The following ARHGAP32 variants were observed in gnomAD, a reference collection of about 807,000 sequenced individuals.
The protein encoded by ARHGAP32 is rho GTPase-activating protein 32.
ARHGAP32 carries 51 observed loss-of-function variants against 186.5 expected under a neutral mutation model. That is an observed-to-expected ratio of 0.27 (90% CI 0.22 to 0.35). The LOEUF is 0.35. Ranked by LOEUF, ARHGAP32 falls within the 10% of genes least tolerant of loss-of-function variation. The pLI is 1.00. For synonymous variants in ARHGAP32, 950 were observed against 964.3 expected, an observed-to-expected ratio of 0.99 and a Z score of 0.27; for missense variants, 2,186 against 2,623.5, an observed-to-expected ratio of 0.83 and a Z score of 3.64.
chr11:129,261,999 G>A (rs1412482947), intron 1 of ARHGAP32, among the ~76,000 whole-genome samples: 1 of 152,092 alleles, frequency 6.6e-6, no homozygotes, highest in East Asian at 1.9e-4. Context: ...ACATGAAGGT[G>A]GAGTTTTATA....
intron 1 of ARHGAP32, among the ~76,000 whole-genome samples, chr11:129,169,436 C>G (rs1274750486): frequency 6.6e-6 from 1 of 151,784 alleles, no homozygotes; most frequent in African/African-American, 2.4e-5. Flanking sequence ...TCAAGACCAT[C>G]CTGCCTAATA....
At chr11:129,013,076 C>G (rs1338444821) in intron 11 of ARHGAP32, among the ~76,000 whole-genome samples, 26 of 152,164 alleles carry the variant, frequency 1.7e-4, no homozygotes, top group Admixed American at 1.7e-3. Flanking sequence ...GGAAACGTGG[C>G]TATCTTTTCC....
At chr11:129,110,458 T>G (rs1942177594) in intron 5 of ARHGAP32, among the ~76,000 whole-genome samples, 3 of 152,192 alleles carry the variant, frequency 2.0e-5, no homozygotes. Context: ...TTAGGATTGT[T>G]TTTTCTATTT....
At position 128,970,221 on chromosome 11, in the gene ARHGAP32, A is replaced by G. The variant is rs373261784; in HGVS notation, c.4992T>C (p.Tyr1664=). Residue 1664 remains tyrosine (Y), a synonymous_variant, in exon 23 of 23, where the codon TAT becomes TAC. Coordinates refer to ENST00000682385, the MANE Select transcript of ARHGAP32 (RefSeq NM_001378024.1). The surrounding 1 kb of genome is among the most constrained non-coding windows in gnomAD (Gnocchi z 5.8). Reference sequence around the variant, plus strand: ...AACTAGAAGAACTGGAATATGGGCTATACCTGTAGTGGACCCGGCCATTCT... The same window carrying G: ...AACTAGAAGAACTGGAATATGGGCTGTACCTGTAGTGGACCCGGCCATTCT... ...YFENGRVHYR[Y]SPYSSSSSSY... 5 of 1,614,090 alleles carry G rather than the reference A, an allele frequency of 3.1e-6. No homozygotes were observed. The African/African-American group carries it at 5.3e-5, about 17-fold the overall frequency.
intron 5 of ARHGAP32, among the ~76,000 whole-genome samples, chr11:129,108,286 T>C (rs1365427698): frequency 2.0e-5 from 3 of 152,084 alleles, no homozygotes; most frequent in South Asian, 4.1e-4. Context: ...TACAAATATG[T>C]TGAAAATGAA....
intron 2 of ARHGAP32, among the ~76,000 whole-genome samples, chr11:129,153,612 A>T (rs1943338623): frequency 6.6e-6 from 1 of 152,184 alleles, no homozygotes; most frequent in Non-Finnish European, 1.5e-5. Flanking sequence ...TCTTGGATAA[A>T]GCAAACAAAA....
intron 5 of ARHGAP32, among the ~76,000 whole-genome samples, chr11:129,095,452 C>G (rs1389958064): frequency 6.6e-6 from 1 of 152,214 alleles, no homozygotes; most frequent in Non-Finnish European, 1.5e-5. Context: ...CTGATTCCCA[C>G]AGGTACTCAC....
chr11:129,068,355 T>C (rs17138150), intron 6 of ARHGAP32, among the ~76,000 whole-genome samples: 1,732 of 152,218 alleles, frequency 0.011, 34 homozygotes, highest in African/African-American at 0.04. Context: ...GTTCTTCCTG[T>C]CATGTTAGCT....
At position 128,966,731 on chromosome 11, in the gene ARHGAP32, A is replaced by T; in HGVS notation, c.*2176T>A. ...CCTGGGTTACTTTCTTTAGGCTCTC[A>T]GTTACTTAAAGCCGTGTGTATCTCC... On this transcript the variant is annotated 3_prime_UTR_variant, in exon 23 of 23. Transcript: ENST00000682385. 1 of 152,224 alleles carries T rather than the reference A, an allele frequency of 6.6e-6. No individual in the cohort carries two copies. The highest frequency in any genetic ancestry group is 1.5e-5 in the Non-Finnish European group (1 of 68,032). 9.4% of individuals were successfully genotyped at this position (152,224 alleles called of 1,614,324 possible). A position where few individuals can be genotyped will look rare whatever the true frequency, so the allele number is the denominator to read the frequency against.
intron 2 of ARHGAP32, among the ~76,000 whole-genome samples, chr11:129,161,669 G>A (rs543520045): frequency 6.6e-6 from 1 of 152,310 alleles, no homozygotes; most frequent in African/African-American, 2.4e-5. Flanking sequence ...AGGATGTGGA[G>A]AAACAGGAAC....
At chr11:129,043,381 C>CTTTT (rs1213682729) in intron 10 of ARHGAP32, among the ~76,000 whole-genome samples, 15 of 103,336 alleles carry the variant, frequency 1.5e-4, no homozygotes, top group East Asian at 2.7e-4. Context: ...TTCTTTTTTT[C>CTTTT]TTTTTTTTTT....
chr11:129,007,983 T>C (rs1937874094), intron 11 of ARHGAP32, among the ~76,000 whole-genome samples: 1 of 152,220 alleles, frequency 6.6e-6, no homozygotes, highest in African/African-American at 2.4e-5. Flanking sequence ...TGGTTTTGCT[T>C]TCCACTGTGA....
intron 1 of ARHGAP32, among the ~76,000 whole-genome samples, chr11:129,201,960 G>A (rs1277046445): frequency 6.6e-6 from 1 of 152,040 alleles, no homozygotes; most frequent in Non-Finnish European, 1.5e-5. Context: ...TCCAGCCTGG[G>A]CAACAGAGCA....
intron 20 of ARHGAP32, among the ~76,000 whole-genome samples, chr11:128,976,078 C>CATATATATAT (rs71472082): frequency 1.1e-4 from 16 of 145,842 alleles, no homozygotes; most frequent in African/African-American, 3.8e-4. Context: ...CTCTGTCTAA[C>CATATATATAT]ATATATATAT....
intron 11 of ARHGAP32, among the ~76,000 whole-genome samples, chr11:129,016,106 G>A (rs377245509): frequency 1.3e-4 from 20 of 152,010 alleles, no homozygotes; most frequent in East Asian, 3.9e-4. Context: ...ACTTTAATAC[G>A]CATTTCTGTG....
intron 1 of ARHGAP32, among the ~76,000 whole-genome samples, chr11:129,228,211 T>G (rs936418349): frequency 6.6e-6 from 1 of 152,140 alleles, no homozygotes; most frequent in Admixed American, 6.5e-5. Flanking sequence ...ACTAATGAGA[T>G]GTAATGAAAG....
At chr11:128,978,215 A>G (rs538012313) in intron 19 of ARHGAP32, among the ~76,000 whole-genome samples, 10 of 152,282 alleles carry the variant, frequency 6.6e-5, no homozygotes, top group African/African-American at 2.4e-4. Context: ...TACTTCTAAC[A>G]TTATCTAAGA....
chr11:129,124,919 T>C, intron 2 of ARHGAP32, 25 bp from the exon 3 acceptor site: 2 of 1,552,368 alleles, frequency 1.3e-6, no homozygotes, highest in Admixed American at 3.6e-5. Flanking sequence ...ACAAAATATT[T>C]ATGGCTATTA....
intron 9 of ARHGAP32, 97 bp from the exon 10 acceptor site, chr11:129,062,454 G>T: frequency 3.1e-6 from 3 of 966,600 alleles, no homozygotes; most frequent in Non-Finnish European, 4.8e-6. Flanking sequence ...AAAAGGTAAA[G>T]TACTATTCAT....
Sources: gnomAD v4.1 joint callset for allele counts (sites outside exome capture counted in the v4.1 genomes callset) on GRCh38, gnomAD v4.1.1 for gene constraint, Gnocchi (gnomAD v3.1) non-coding constraint, MANE v1.5 for transcripts, NCBI Gene and HGNC (gene_info 2026-07-23, HGNC 2026-07-21) for gene names.